Variants in OPRM1 observed in about 807,000 individuals in gnomAD.
OPRM1 encodes the protein mu-type opioid receptor.
In OPRM1, 27 loss-of-function variants were observed where a neutral mutation model predicts 31.8. That is an observed-to-expected ratio of 0.85 (90% CI 0.63 to 1.17). The LOEUF is 1.17. OPRM1 is among the 50% of genes most tolerant of loss of function. The pLI, the probability that OPRM1 is intolerant of heterozygous loss-of-function variation, is 0.00. For synonymous variants in OPRM1, 196 were observed against 189.9 expected, an observed-to-expected ratio of 1.03 and a Z score of -0.26; for missense variants, 536 against 511.1, an observed-to-expected ratio of 1.05 and a Z score of -0.47.
intron 3 of OPRM1, chr6:154,199,783 T>C (rs755743541): frequency 6.2e-7 from 1 of 1,614,260 alleles, no homozygotes; most frequent in Non-Finnish European, 8.5e-7. Flanking sequence ...CACTTTCTGA[T>C]GTGACAAAAC....
At position 154,090,056 on chromosome 6, in the gene OPRM1, C is replaced by G. The variant is rs758666378; in HGVS notation, c.521C>G (p.Pro174Arg). The change falls in exon 2 of 4, where the codon CCT becomes CGT. Residue 174 changes from proline (P) to arginine (R), a missense_variant. Physicochemically the swap from Pro to Arg is moderately radical, Grantham distance 103. Coordinates refer to ENST00000330432, the MANE Select transcript of OPRM1 (RefSeq NM_000914.5). ...SVDRYIAVCH[P>R]VKALDFRTPR... ...GATCGATACATTGCAGTCTGCCACCCTGTCAAGGCCTTAGATTTCCGTACT... is the reference window on the plus strand; with the variant it reads ...GATCGATACATTGCAGTCTGCCACCGTGTCAAGGCCTTAGATTTCCGTACT... 6.2e-7 allele frequency: 1 copy of G among 1,613,966 alleles called. No individual in the cohort carries two copies. The highest frequency in any genetic ancestry group is 1.1e-5 in the South Asian group (1 of 91,080).
At chr6:154,210,303 T>C (rs908361215) in intron 3 of OPRM1, among the ~76,000 whole-genome samples, 17 of 152,038 alleles carry the variant, frequency 1.1e-4, no homozygotes, top group Admixed American at 9.8e-4. Context: ...TAAATAATCA[T>C]AAAAAGAGGT....
chr6:154,190,364 G>A (rs4870271), intron 3 of OPRM1, among the ~76,000 whole-genome samples: 101,858 of 152,068 alleles, frequency 0.67, 34,691 homozygotes, highest in East Asian at 0.89. Context: ...GCCATCTTAT[G>A]TTAAAGAAAA....
At chr6:154,109,784 CTCTCTCTCTGTGTGTG>C (rs1312142150) in intron 3 of OPRM1, among the ~76,000 whole-genome samples, 3 of 121,526 alleles carry the variant, frequency 2.5e-5, no homozygotes, top group African/African-American at 8.7e-5. Context: ...CTCTCTCTCT[CTCTCTCTCTGTGTGTG>C]TGTGTGTGTG....
At chr6:154,183,300 C>T (rs981613766) in intron 3 of OPRM1, among the ~76,000 whole-genome samples, 5 of 152,156 alleles carry the variant, frequency 3.3e-5, no homozygotes, top group Non-Finnish European at 5.9e-5. Context: ...TTCAAGATGG[C>T]GCTCTCATTC....
At chr6:154,180,821 T>C (rs1800808833) in intron 3 of OPRM1, among the ~76,000 whole-genome samples, 1 of 152,170 alleles carries the variant, frequency 6.6e-6, no homozygotes, top group African/African-American at 2.4e-5. Context: ...TGTTTCAGAT[T>C]AGGAATGTCT....
In OPRM1 at chr6:154,153,463, C is replaced by A. The variant is rs560535937; in HGVS notation, c.1164+61991C>A. On this transcript the variant is annotated intron_variant, in intron 3 of 3. Coordinates refer to the OPRM1 transcript ENST00000337049. ...CTTTGGGAGGCCGAGGCGGGCAGAT[C>A]TCCTGAGGTCAGGAGTTCAAGACCA... Among the ~76,000 whole-genome samples the A allele has an allele frequency of 4.6e-5, 7 of 152,270 alleles. No individual in the cohort carries two copies. The South Asian group carries it at 1.4e-3, about 32-fold the overall frequency.
chr6:154,046,033 C>T lies in OPRM1; in HGVS notation c.290+6199C>T, dbSNP rs141482949. Among the ~76,000 whole-genome samples, 932 of 152,336 alleles carry T rather than the reference C, an allele frequency of 6.1e-3. 10 individuals carry two copies. Among genetic ancestry groups the T allele is most frequent in the African/African-American group, 0.021 (881 of 41,564 alleles). On this transcript the variant is annotated intron_variant, in intron 1 of 3. Transcript: ENST00000330432. ...CACTTTTCAAAATGGTTCACCTTCA[C>T]ACAAGGTCGTATCTCACACTCTGCT... is the stretch of plus-strand genomic sequence containing the variant.
chr6:154,217,493 T>C (rs1778507049), intron 3 of OPRM1: 1 of 150,108 alleles, frequency 6.7e-6, no homozygotes, highest in African/African-American at 2.4e-5. Flanking sequence ...GGCACGAGCA[T>C]CGATTCAGCA....
chr6:154,142,455 A>G (rs1236289253), intron 3 of OPRM1, among the ~76,000 whole-genome samples: 1 of 152,134 alleles, frequency 6.6e-6, no homozygotes, highest in Non-Finnish European at 1.5e-5. Context: ...GAGCATGTGT[A>G]CAACTCCAGT....
rs73567177 is a variant in OPRM1 at position 154,233,300 on chromosome 6, G to A, written c.1165-13393G>A. On this transcript the variant is annotated intron_variant, in intron 3 of 3. Transcript: ENST00000337049. The stretch of plus-strand genomic sequence containing the variant: ...ATCCGACTAGCTGTTTCTGTGTCTC[G>A]GCTCTCCTCTCTTTTCTTTGCATCA... 4.5e-3 allele frequency among the ~76,000 whole-genome samples: 679 copies of A among 152,112 alleles called. 5 individuals are homozygous for A. Among genetic ancestry groups the A allele is most frequent in the African/African-American group, 0.015 (637 of 41,492 alleles).
At chr6:154,197,798 T>C (rs1776735175) in intron 3 of OPRM1, among the ~76,000 whole-genome samples, 1 of 152,210 alleles carries the variant, frequency 6.6e-6, no homozygotes, top group Non-Finnish European at 1.5e-5. Flanking sequence ...TTCTCTAGTA[T>C]GTTTTTGAAG....
At chr6:154,070,054 G>A (rs1786322842) in intron 1 of OPRM1, among the ~76,000 whole-genome samples, 1 of 152,126 alleles carries the variant, frequency 6.6e-6, no homozygotes, top group Admixed American at 6.5e-5. Context: ...GGAGGTGAGG[G>A]GGTACAACAA....
Position 154,091,040 on chromosome 6 carries a change from T to C in OPRM1, c.732T>C (p.Ile244=), listed in dbSNP as rs1434620396. 7.1e-5 allele frequency: 114 copies of C among 1,614,098 alleles called. No homozygotes were observed. Among genetic ancestry groups the C allele is most frequent in the Non-Finnish European group, 9.2e-5 (109 of 1,180,032 alleles). ...TCTGTGTTTTCATCTTCGCCTTCATTATGCCAGTGCTCATCATTACCGTGT... is the reference window on the plus strand; with the variant it reads ...TCTGTGTTTTCATCTTCGCCTTCATCATGCCAGTGCTCATCATTACCGTGT... ...LKICVFIFAF[I]MPVLIITVCY... is the part of the protein sequence containing the mutation. The change falls in exon 3 of 4, where the codon ATT becomes ATC. Residue 244 remains isoleucine (I), a synonymous_variant. Coordinates refer to ENST00000330432, the MANE Select transcript of OPRM1 (RefSeq NM_000914.5).
chr6:154,179,311 C>T (rs545608318), intron 3 of OPRM1, among the ~76,000 whole-genome samples: 2 of 152,170 alleles, frequency 1.3e-5, no homozygotes, highest in Non-Finnish European at 2.9e-5. Context: ...AGAGGCTTTT[C>T]AGTAAAGCAG....
At chr6:154,209,928 T>G (rs769964657) in intron 3 of OPRM1, among the ~76,000 whole-genome samples, 5 of 152,172 alleles carry the variant, frequency 3.3e-5, no homozygotes, top group Admixed American at 6.5e-5. Context: ...TTAGAACTTC[T>G]AAAAAATAAC....
intron 3 of OPRM1, among the ~76,000 whole-genome samples, chr6:154,140,549 C>G (rs2128537775): frequency 6.6e-6 from 1 of 152,140 alleles, no homozygotes; most frequent in South Asian, 2.1e-4. Flanking sequence ...AGGCTGGTCT[C>G]AAATTCCTGA....
At chr6:154,011,727 C>A (rs1220972328) in intron 1 of OPRM1, among the ~76,000 whole-genome samples, 1 of 152,074 alleles carries the variant, frequency 6.6e-6, no homozygotes, top group East Asian at 1.9e-4. Context: ...AAAAAGAAGT[C>A]ATCTTTGACA....
intron 1 of OPRM1, among the ~76,000 whole-genome samples, chr6:154,075,105 G>T (rs1481193597): frequency 6.6e-6 from 1 of 152,096 alleles, no homozygotes; most frequent in Non-Finnish European, 1.5e-5. Flanking sequence ...AAGAGAAAAT[G>T]ATATTTTTAA....
Sources: allele counts gnomAD v4.1 joint callset (sites outside exome capture counted in the v4.1 genomes callset), GRCh38; gene constraint gnomAD v4.1.1; transcripts MANE v1.5; gene names NCBI Gene and HGNC (gene_info 2026-07-23, HGNC 2026-07-21).